Variants in OOEP observed in about 807,000 individuals in gnomAD.
OOEP encodes the protein oocyte expressed protein, also known as oocyte-expressed protein homolog.
OOEP carries 16 observed loss-of-function variants against 13.7 expected under a neutral mutation model. The observed-to-expected ratio is 1.16, with a 90% CI of 0.79 to 1.77. The LOEUF (loss-of-function observed/expected upper bound fraction) is 1.77. Ranked by LOEUF, OOEP falls within the 40% of genes most tolerant of loss-of-function variation. The pLI is 0.00. For synonymous variants in OOEP, 89 were observed against 77.1 expected (o/e 1.15, Z -0.81); for missense variants, 195 against 193.1 (o/e 1.01, Z -0.06).
upstream of OOEP, chr6:73,370,104 T>C: frequency 2.6e-6 from 1 of 377,390 alleles, no homozygotes; most frequent in Non-Finnish European, 4.9e-6. Context: ...AGCCTGAAAG[T>C]CCTCTGCCCA....
At chr6:73,376,795 G>A (rs956955849) in intron 2 of OOEP, among the ~76,000 whole-genome samples, 3 of 152,174 alleles carry the variant, frequency 2.0e-5, no homozygotes, top group African/African-American at 7.2e-5. Flanking sequence ...GGGATTACTG[G>A]TGCCTGCCAC....
At chr6:73,383,724 C>T (rs1292092994) in intron 2 of OOEP, among the ~76,000 whole-genome samples, 3 of 152,100 alleles carry the variant, frequency 2.0e-5, no homozygotes, top group Non-Finnish European at 4.4e-5. Flanking sequence ...AAAATCAAAA[C>T]TGGGTTCTTT....
chr6:73,376,711 G>A (rs1273053738), intron 2 of OOEP, among the ~76,000 whole-genome samples: 1 of 152,092 alleles, frequency 6.6e-6, no homozygotes, highest in Non-Finnish European at 1.5e-5. Context: ...GAGTGCACTG[G>A]TGCGATCTCG....
intron 2 of OOEP, among the ~76,000 whole-genome samples, chr6:73,386,943 G>C (rs1769280217): frequency 8.5e-6 from 1 of 118,078 alleles, no homozygotes; most frequent in Non-Finnish European, 1.6e-5. Context: ...AGTCCAGCCT[G>C]AGCCACAAGA....
intron 2 of OOEP, among the ~76,000 whole-genome samples, chr6:73,385,686 C>G (rs1769263672): frequency 6.6e-6 from 1 of 151,280 alleles, no homozygotes; most frequent in Non-Finnish European, 1.5e-5. Context: ...GTTCTGAGTT[C>G]AAGCGATTCT....
chr6:73,394,866 C>T (rs1317990824), exon 1 of OOEP: 1 of 1,605,460 alleles, frequency 6.2e-7, no homozygotes, highest in Non-Finnish European at 8.5e-7. Flanking sequence ...TGGTGCAGAG[C>T]TGGACGGCAA....
intron 2 of OOEP, among the ~76,000 whole-genome samples, chr6:73,390,629 T>C (rs1769334876): frequency 1.3e-5 from 2 of 149,480 alleles, no homozygotes; most frequent in Admixed American, 1.4e-4. Context: ...TCGCCTGGAG[T>C]GTGATGGTGC....
rs11544340 is a variant in OOEP, at chr6:73,395,084, C to G, written c.-484G>C. ...AGAGGCACCTCTAGGCCCCCGGAGG[C>G]CGTGGCCGCTGGTCACGAGGAACTG... is the stretch of plus-strand genomic sequence containing the variant. On this transcript the variant is annotated 5_prime_UTR_variant, in exon 1 of 4. Coordinates refer to the OOEP transcript ENST00000370363. 181 of 1,614,042 alleles carry G rather than the reference C, an allele frequency of 1.1e-4. No individual in the cohort carries two copies. In the African/African-American group the frequency reaches 2.3e-3, roughly 21 times the overall value.
upstream of OOEP, among the ~76,000 whole-genome samples, chr6:73,371,820 C>G (rs191209482): frequency 2.6e-5 from 4 of 151,934 alleles, no homozygotes; most frequent in Non-Finnish European, 5.9e-5. Context: ...CCCAGCTACT[C>G]GAAAGGATGA....
chr6:73,394,852 C>T (rs1235143132), exon 1 of OOEP: 4 of 1,591,520 alleles, frequency 2.5e-6, no homozygotes, highest in Middle Eastern at 1.7e-4. Context: ...ACGTCACGGT[C>T]AGGTGGTGCA....
At chr6:73,370,922 C>CCT (rs1395843408), upstream of OOEP, among the ~76,000 whole-genome samples, 7 of 152,158 alleles carry the variant, frequency 4.6e-5, no homozygotes, top group Non-Finnish European at 1.0e-4. Flanking sequence ...GCTGAGACCA[C>CCT]AGGCACCTGC....
upstream of OOEP, chr6:73,373,154 T>G: frequency 6.2e-7 from 1 of 1,610,868 alleles, no homozygotes; most frequent in Middle Eastern, 2.2e-4. Flanking sequence ...TTTGGAGTTG[T>G]ACCTGATTTT....
intron 2 of OOEP, among the ~76,000 whole-genome samples, chr6:73,385,317 G>A (rs1278752379): frequency 6.6e-6 from 1 of 151,630 alleles, no homozygotes; most frequent in African/African-American, 2.4e-5. Context: ...CTGCACTCCA[G>A]CCTGGGCGAC....
Position 73,393,179 on chromosome 6 carries a change from C to T in OOEP, c.25+1167G>A, listed in dbSNP as rs1328993271. ...AGACTGGAGTGCAGTGACACCATTT[C>T]GGCACTTCGGCTCACTGTAGCCTCA... On this transcript the variant is annotated intron_variant, in intron 2 of 3. Coordinates refer to the OOEP transcript ENST00000370363. 2.6e-5 allele frequency among the ~76,000 whole-genome samples: 4 copies of T among 151,452 alleles called. No homozygotes were observed. In the East Asian group the frequency reaches 5.8e-4, roughly 22 times the overall value.
rs367882548 is a variant in OOEP, at chr6:73,369,660, C to T, written c.133G>A (p.Glu45Lys). Residue 45 changes from glutamate (E) to lysine (K), a missense_variant, in exon 1 of 3, where the codon GAA (glutamate) becomes AAA (lysine). By Grantham distance (56) the Glu-to-Lys change is moderately conservative. Coordinates refer to ENST00000370359, the MANE Select transcript of OOEP (RefSeq NM_001080507.3). The stretch of plus-strand genomic sequence containing the variant: ...TAGAACACCAAAGGGTCTCTCAGTT[C>T]CTGCACCGGAAACCACCAGGGCCGG... ...RIRPWWFPVQ[E>K]LRDPLVFYLE... 6.2e-7 allele frequency: 1 copy of T among 1,613,938 alleles called. No individual in the cohort carries two copies. The highest frequency in any genetic ancestry group is 1.3e-5 in the African/African-American group (1 of 74,942).
chr6:73,387,277 G>A (rs1269328743), intron 2 of OOEP, among the ~76,000 whole-genome samples: 1 of 152,078 alleles, frequency 6.6e-6, no homozygotes, highest in Non-Finnish European at 1.5e-5. Flanking sequence ...GGGAGGCCGA[G>A]GTGGGTGGAT....
intron 2 of OOEP, among the ~76,000 whole-genome samples, chr6:73,375,855 G>A (rs1464782815): frequency 2.1e-5 from 3 of 144,836 alleles, no homozygotes; most frequent in East Asian, 2.0e-4. Context: ...GCAGTGGCAC[G>A]ATCTCTGTTC....
Position 73,368,758 on chromosome 6 carries a change from A to T in OOEP, c.*26T>A. 2.0e-6 allele frequency: 3 copies of T among 1,498,306 alleles called. No homozygotes were observed. Among genetic ancestry groups the T allele is most frequent in the South Asian group, 2.3e-5 (2 of 88,584 alleles). 92.8% of individuals were successfully genotyped at this position (1,498,306 alleles called of 1,614,324 possible). On this transcript the variant is annotated 3_prime_UTR_variant, in exon 3 of 3. Transcript: ENST00000370359. ...TAGCAGCAAAAGTTAGAAAGTTAAG[A>T]TGTTCCCAACAGTAACTATGTTGTC...
At chr6:73,378,201 C>T (rs1055617316) in intron 2 of OOEP, among the ~76,000 whole-genome samples, 1 of 151,962 alleles carries the variant, frequency 6.6e-6, no homozygotes, top group Non-Finnish European at 1.5e-5. Context: ...TTCCAGGGCT[C>T]AAGCGATCCT....
Sources: gnomAD v4.1 joint callset for allele counts (sites outside exome capture counted in the v4.1 genomes callset) on GRCh38, gnomAD v4.1.1 for gene constraint, MANE v1.5 for transcripts, NCBI Gene and HGNC (gene_info 2026-07-23, HGNC 2026-07-21) for gene names.